Variants in LAMA4 observed in about 807,000 individuals in gnomAD.
LAMA4 encodes the protein laminin subunit alpha 4, also known as laminin subunit alpha-4.
Under a neutral mutation model 207.1 loss-of-function variants are expected in LAMA4, and 127 were observed. The ratio of observed to expected loss-of-function variants is 0.61; its 90% CI spans 0.53 to 0.71. The LOEUF (loss-of-function observed/expected upper bound fraction) is 0.71, where lower values mean the gene tolerates loss of function less well. Ranked by LOEUF, LAMA4 falls within the 30% of genes least tolerant of loss-of-function variation. The probability of loss-of-function intolerance (pLI) is 0.00; values close to 1 mark genes in which losing one functional copy is unlikely to be tolerated. For synonymous variants in LAMA4, 761 were observed against 816.0 expected, an observed-to-expected ratio of 0.93 and a Z score of 1.15; for missense variants, 2,093 against 2,246.5, an observed-to-expected ratio of 0.93 and a Z score of 1.38.
chr6:112,216,310 C>T, intron 3 of LAMA4, 58 bp downstream of exon 3: 1 of 1,134,228 alleles, frequency 8.8e-7, no homozygotes, highest in Non-Finnish European at 1.3e-6. Flanking sequence ...ATTTTATCTT[C>T]ACCCAAGATG....
intron 3 of LAMA4, among the ~76,000 whole-genome samples, chr6:112,210,689 C>A (rs569898888): frequency 1.3e-5 from 2 of 152,238 alleles, no homozygotes; most frequent in South Asian, 4.2e-4. Flanking sequence ...TTTGCATTCT[C>A]ATTTTCTCAT....
intron 13 of LAMA4, among the ~76,000 whole-genome samples, chr6:112,162,754 G>A (rs936316630): frequency 1.3e-5 from 2 of 152,026 alleles, no homozygotes; most frequent in African/African-American, 4.8e-5. Context: ...GTTAGCACTC[G>A]GATATAGGAG....
At chr6:112,249,874 CA>C (rs1390345496) in intron 2 of LAMA4, among the ~76,000 whole-genome samples, 1 of 152,172 alleles carries the variant, frequency 6.6e-6, no homozygotes, top group Non-Finnish European at 1.5e-5. Context: ...ACTGGTCTAG[CA>C]CAGGAATAAT....
intron 24 of LAMA4, 49 bp from the exon 25 acceptor site, chr6:112,136,303 G>C: frequency 6.8e-7 from 1 of 1,475,650 alleles, no homozygotes; most frequent in Non-Finnish European, 9.4e-7. Flanking sequence ...TATGCGAGTA[G>C]AGTCAGATTT....
chr6:112,247,556 G>C (rs1004658366), intron 2 of LAMA4, among the ~76,000 whole-genome samples: 3 of 152,196 alleles, frequency 2.0e-5, no homozygotes, highest in Admixed American at 6.5e-5. Context: ...TGGCAATGCT[G>C]AGAGGTGGCT....
At chr6:112,229,422 A>G (rs1785419184) in intron 2 of LAMA4, among the ~76,000 whole-genome samples, 1 of 152,062 alleles carries the variant, frequency 6.6e-6, no homozygotes, top group African/African-American at 2.4e-5. Context: ...AACATCCTGA[A>G]CTCAACTTTC....
At chr6:112,247,279 A>G (rs1034719956) in intron 2 of LAMA4, among the ~76,000 whole-genome samples, 2 of 152,246 alleles carry the variant, frequency 1.3e-5, no homozygotes, top group Non-Finnish European at 2.9e-5. Flanking sequence ...CAATTTGCCC[A>G]AAGTCAAACA....
intron 38 of LAMA4, among the ~76,000 whole-genome samples, chr6:112,112,787 T>C (rs1554322034): frequency 6.6e-6 from 1 of 152,196 alleles, no homozygotes; most frequent in Non-Finnish European, 1.5e-5. Context: ...ATTTTTGGAG[T>C]ACCCAAGGTC....
At chr6:112,232,214 G>T (rs1370819749) in intron 2 of LAMA4, among the ~76,000 whole-genome samples, 1 of 152,128 alleles carries the variant, frequency 6.6e-6, no homozygotes, top group Non-Finnish European at 1.5e-5. Context: ...CAAGGCAGAT[G>T]AATTACCATC....
chr6:112,226,550 T>C (rs1339398393), intron 2 of LAMA4, among the ~76,000 whole-genome samples: 6 of 152,204 alleles, frequency 3.9e-5, no homozygotes, highest in African/African-American at 9.7e-5. Flanking sequence ...ACACGGAACA[T>C]GACATTATAA....
chr6:112,187,436 A>G lies in LAMA4; in HGVS notation c.966+14T>C. The G allele has an allele frequency of 6.2e-7, 1 of 1,614,042 alleles. No homozygotes were observed. The highest frequency in any genetic ancestry group is 1.1e-5 in the South Asian group (1 of 91,078). On this transcript the variant is annotated intron_variant, in intron 8 of 38. Transcript: ENST00000230538. ...GGATGAAAACAGAGTGGAAAGTAGAACATTCCTGCGTACTTTGAGGAGGTA... is the reference window on the plus strand; with the variant it reads ...GGATGAAAACAGAGTGGAAAGTAGAGCATTCCTGCGTACTTTGAGGAGGTA...
At chr6:112,114,431 C>G (rs1777892887) in intron 37 of LAMA4, among the ~76,000 whole-genome samples, 1 of 151,780 alleles carries the variant, frequency 6.6e-6, no homozygotes, top group African/African-American at 2.4e-5. Context: ...TTTTTTTGCC[C>G]TATAAGTTAT....
In LAMA4 at chr6:112,114,760, C is replaced by G; in HGVS notation, c.5113-4G>C. 1.3e-6 allele frequency: 2 copies of G among 1,585,810 alleles called. No homozygotes were observed. The highest frequency in any genetic ancestry group is 1.7e-6 in the Non-Finnish European group (2 of 1,154,452). ...CATTATTGACTTTCACTATGACCTG[C>G]AAAAGATAGGACACATTGTATGATT... On this transcript the variant is annotated splice_polypyrimidine_tract_variant and splice_region_variant and intron_variant, in intron 36 of 38. Coordinates refer to ENST00000230538, the MANE Select transcript of LAMA4 (RefSeq NM_001105206.3).
chr6:112,241,127 G>T (rs1361393815), intron 2 of LAMA4, among the ~76,000 whole-genome samples: 3 of 89,254 alleles, frequency 3.4e-5, no homozygotes, highest in Admixed American at 1.1e-4. Context: ...ATATATATAT[G>T]AATATATAGG....
At chr6:112,190,409 AT>A (rs1252260531) in intron 6 of LAMA4, among the ~76,000 whole-genome samples, 3 of 152,060 alleles carry the variant, frequency 2.0e-5, no homozygotes, top group African/African-American at 7.2e-5. Flanking sequence ...TATATGTTGC[AT>A]TTTTTTTATT....
chr6:112,189,036 T>C (rs782281060), intron 7 of LAMA4, 74 bp downstream of exon 7: 11 of 1,101,392 alleles, frequency 1.0e-5, no homozygotes, highest in Non-Finnish European at 1.4e-5. Context: ...TGATATTGCA[T>C]AGCTTTTCTT....
intron 28 of LAMA4, among the ~76,000 whole-genome samples, chr6:112,131,652 C>T (rs1186053633): frequency 6.6e-6 from 1 of 152,132 alleles, no homozygotes; most frequent in Non-Finnish European, 1.5e-5. Flanking sequence ...TAAGTCTGCC[C>T]TCAAAATAGA....
intron 5 of LAMA4, among the ~76,000 whole-genome samples, chr6:112,199,317 A>G (rs943797709): frequency 2.0e-5 from 3 of 152,176 alleles, no homozygotes; most frequent in African/African-American, 7.2e-5. Context: ...GCAGGGCTCT[A>G]TCTAAGGCCA....
In LAMA4 at chr6:112,172,599, T is replaced by G. The variant is rs1781781592; in HGVS notation, c.1551+12A>C. The G allele has an allele frequency of 1.2e-6, 2 of 1,612,024 alleles. No homozygotes were observed. Among genetic ancestry groups the G allele is most frequent in the Non-Finnish European group, 1.7e-6 (2 of 1,179,610 alleles). Reference sequence around the variant, plus strand: ...GATGCTGAAATGCATTGATGGTGAGTGTCCGCTGTACCTCATGGTCCCGCT... The same window carrying G: ...GATGCTGAAATGCATTGATGGTGAGGGTCCGCTGTACCTCATGGTCCCGCT... On this transcript the variant is annotated intron_variant, in intron 12 of 38. Coordinates refer to ENST00000230538, the MANE Select transcript of LAMA4 (RefSeq NM_001105206.3).
Sources: gnomAD v4.1 joint callset for allele counts (sites outside exome capture counted in the v4.1 genomes callset) on GRCh38, gnomAD v4.1.1 for gene constraint, MANE v1.5 for transcripts, NCBI Gene and HGNC (gene_info 2026-07-23, HGNC 2026-07-21) for gene names.